TASOR: variants seen among roughly 807,000 people sequenced by gnomAD.
TASOR encodes the protein protein TASOR.
Under a neutral mutation model 178.6 loss-of-function variants are expected in TASOR, and 53 were observed. The observed-to-expected ratio is 0.30, with a 90% CI of 0.24 to 0.37. TASOR has a LOEUF of 0.37. Among genes scored for constraint, TASOR ranks in the 10% least tolerant of loss-of-function variants. TASOR has a pLI of 1.00. For missense variants in TASOR, 1,815 were observed against 1,971.4 expected, an observed-to-expected ratio of 0.92 and a Z score of 1.50; for synonymous variants, 713 against 696.2, an observed-to-expected ratio of 1.02 and a Z score of -0.38.
intron 1 of TASOR, among the ~76,000 whole-genome samples, chr3:56,678,577 C>T (rs183703458): frequency 6.6e-6 from 1 of 152,240 alleles, no homozygotes; most frequent in East Asian, 1.9e-4. Flanking sequence ...AAAAGAACAT[C>T]TTCATCAATT....
At position 56,669,807 on chromosome 3, in the gene TASOR, A is replaced by G; in HGVS notation, c.644-16T>C. On this transcript the variant is annotated splice_polypyrimidine_tract_variant and intron_variant, in intron 4 of 23. Transcript: ENST00000683822. ...AGATAGACACCTAGAAAAGACGGAA[A>G]AATTAAGGAAACTGATTATATTTTT... The G allele has an allele frequency of 4.7e-6, 7 of 1,489,546 alleles. No homozygotes were observed. Among genetic ancestry groups the G allele is most frequent in the Non-Finnish European group, 4.5e-6 (5 of 1,106,610 alleles). The allele number at this position is 1,489,546 out of a possible 1,614,324, so 92.3% of individuals were successfully genotyped here.
At chr3:56,674,041 G>A (rs890135015) in intron 1 of TASOR, among the ~76,000 whole-genome samples, 11 of 151,896 alleles carry the variant, frequency 7.2e-5, no homozygotes, top group Non-Finnish European at 1.0e-4. Context: ...AAGAACCTGT[G>A]TTTATACTCA....
At chr3:56,668,207 G>C (rs913804865) in intron 6 of TASOR, among the ~76,000 whole-genome samples, 190 bp downstream of exon 6, 4 of 152,186 alleles carry the variant, frequency 2.6e-5, no homozygotes, top group African/African-American at 9.7e-5. Context: ...AAGACCCACT[G>C]CATGTTTCTG....
rs2076473667 is a variant in TASOR at position 56,621,062 on chromosome 3, G to C, written c.*1975C>G. ...GCCTGTAGTCCCAGCCATTCGGGAG[G>C]TTGAGGCAGGAGAATGGTGTGAACC... On this transcript the variant is annotated 3_prime_UTR_variant, in exon 24 of 24. Coordinates refer to ENST00000683822, the MANE Select transcript of TASOR (RefSeq NM_001365635.2). 6.6e-6 allele frequency: 1 copy of C among 152,144 alleles called. No homozygotes were observed. The highest frequency in any genetic ancestry group is 2.1e-4 in the South Asian group (1 of 4,824). The allele number at this position is 152,144 out of a possible 1,614,324, so 9.4% of individuals were successfully genotyped here. A position where few individuals can be genotyped will look rare whatever the true frequency, so the allele number is the denominator to read the frequency against.
chr3:56,646,421 C>CTGA, intron 14 of TASOR, 101 bp downstream of exon 14: 1 of 928,694 alleles, frequency 1.1e-6, no homozygotes, highest in Non-Finnish European at 1.6e-6. Flanking sequence ...AGTGGACAGG[C>CTGA]TGAATTTGAC....
At position 56,677,811 on chromosome 3, in the gene TASOR, C is replaced by T. The variant is rs1157046775; in HGVS notation, c.332-4086G>A. Among the ~76,000 whole-genome samples the T allele has an allele frequency of 6.6e-5, 10 of 152,072 alleles. No homozygotes were observed. In the South Asian group the frequency reaches 8.3e-4, roughly 13 times the overall value. On this transcript the variant is annotated intron_variant, in intron 1 of 23. Coordinates refer to ENST00000683822, the MANE Select transcript of TASOR (RefSeq NM_001365635.2). ...TTAATTTTTTCTGATTTTAATTTTC[C>T]TCTAGAGACAACAGGGCCAAGAGTC...
At position 56,627,095 on chromosome 3, in the gene TASOR, C is replaced by G. The variant is rs200718981; in HGVS notation, c.4081G>C (p.Gly1361Arg). Residue 1361 changes from glycine (G) to arginine (R), a missense_variant, in exon 21 of 24, where the codon GGA becomes CGA. This residue lies in a region of TASOR where 134 missense variants were observed against 195.2 expected (regional missense o/e 0.69). Transcript: ENST00000683822. ...TFLEELSTPE[G>R]KWQWKVHCKF... ...CAGTGGACTTTCCATTGCCATTTTC[C>G]TTCTGGAGTACTAAGTTCCTCAAGG... The G allele has an allele frequency of 2.7e-5, 44 of 1,612,466 alleles. No homozygotes were observed. The highest frequency in any genetic ancestry group is 3.6e-5 in the Non-Finnish European group (42 of 1,179,204).
chr3:56,666,410 AC>A (rs1445249657), intron 6 of TASOR, 26 bp from the exon 7 acceptor site: 7 of 1,447,754 alleles, frequency 4.8e-6, no homozygotes. Flanking sequence ...TGAAAAATTA[AC>A]TTCTTTAAAA....
At chr3:56,643,853 A>T (rs2077181690) in intron 14 of TASOR, among the ~76,000 whole-genome samples, 1 of 152,212 alleles carries the variant, frequency 6.6e-6, no homozygotes, top group African/African-American at 2.4e-5. Flanking sequence ...AATAAGTAAG[A>T]AACACCTAAA....
rs1483027920 is a variant in TASOR, at chr3:56,621,440, T to A, written c.*1597A>T. 1 of 878,618 alleles carries A rather than the reference T, an allele frequency of 1.1e-6. No homozygotes were observed. The highest frequency in any genetic ancestry group is 1.7e-6 in the Non-Finnish European group (1 of 588,642). The allele number at this position is 878,618 out of a possible 1,614,324, so 54.4% of individuals were successfully genotyped here. On this transcript the variant is annotated 3_prime_UTR_variant, in exon 24 of 24. Transcript: ENST00000683822. ...TGACAAAATTTTATCCTAAGCGATA[T>A]GTTTTCCAAGTGAATATAATTCTAG...
chr3:56,655,273 A>T (rs1376309262), intron 11 of TASOR, among the ~76,000 whole-genome samples: 1 of 152,200 alleles, frequency 6.6e-6, no homozygotes, highest in Non-Finnish European at 1.5e-5. Flanking sequence ...TACAGATCCT[A>T]GACTGCACAT....
chr3:56,675,539 A>G (rs1443616583), intron 1 of TASOR, among the ~76,000 whole-genome samples: 1 of 150,356 alleles, frequency 6.7e-6, no homozygotes, highest in Non-Finnish European at 1.5e-5. Flanking sequence ...TTACTGGTCT[A>G]GTAACCTCAA....
intron 11 of TASOR, among the ~76,000 whole-genome samples, chr3:56,649,617 TACC>T (rs2077307945): frequency 6.6e-6 from 1 of 152,056 alleles, no homozygotes; most frequent in Non-Finnish European, 1.5e-5. Flanking sequence ...GTAGAAAGAG[TACC>T]ACAATAAATA....
In TASOR at chr3:56,682,924, T is replaced by A; in HGVS notation, c.83A>T (p.Lys28Met). The A allele has an allele frequency of 3.2e-6, 5 of 1,539,386 alleles. No homozygotes were observed. In the East Asian group the frequency reaches 1.2e-4, roughly 38 times the overall value. The change falls in exon 1 of 24, where the codon AAG (lysine) becomes ATG (methionine). Residue 28 changes from lysine to methionine, a missense_variant. Coordinates refer to ENST00000683822, the MANE Select transcript of TASOR (RefSeq NM_001365635.2). ...ESGGGGDDEM[K>M]QALPELESSQ... ...GGACTCAAGCTCCGGAAGCGCCTGC[T>A]TCATCTCGTCGTCTCCGCCGCCGCC...
At chr3:56,673,170 A>G (rs1252105000) in intron 2 of TASOR, among the ~76,000 whole-genome samples, 1 of 152,238 alleles carries the variant, frequency 6.6e-6, no homozygotes, top group Non-Finnish European at 1.5e-5. Flanking sequence ...TTTCAGTTAA[A>G]AAGTTATTTT....
intron 17 of TASOR, among the ~76,000 whole-genome samples, chr3:56,637,789 TA>T (rs939879141): frequency 1.3e-5 from 2 of 151,938 alleles, no homozygotes; most frequent in South Asian, 2.1e-4. Context: ...AAGGAAAATA[TA>T]AAAAAGATCA....
rs567493825 is a variant in TASOR at position 56,627,763 on chromosome 3, AAG to A, written c.3871-24_3871-23del. On this transcript the variant is annotated intron_variant, in intron 19 of 23. Coordinates refer to ENST00000683822, the MANE Select transcript of TASOR (RefSeq NM_001365635.2). ...GTATCTGTTTAAATCCCAAAACAAA[AAG>A]AGAAACAGATGGAGGGAATGAATTG... The A allele has an allele frequency of 2.6e-5, 41 of 1,607,124 alleles. No homozygotes were observed. The African/African-American group carries it at 5.2e-4, about 21-fold the overall frequency.
Position 56,660,952 on chromosome 3 carries a change from G to A in TASOR, c.1226C>T (p.Ala409Val), listed in dbSNP as rs776628315. The change falls in exon 10 of 24, where the codon GCA becomes GTA. Residue 409 changes from alanine (A) to valine (V), a missense_variant. This residue lies in a region of TASOR where 504 missense variants were observed against 645.3 expected (regional missense o/e 0.78). Transcript: ENST00000683822. Reference protein sequence around the residue: ...IDHLKQKIPPALFYKETYLGP... With the variant: ...IDHLKQKIPPVLFYKETYLGP... ...TAAGTATGTTTCCTTATAAAACAGT[G>A]CTGGAGGGATTTTCTGTTTCAGATG... The A allele has an allele frequency of 4.3e-6, 7 of 1,611,458 alleles. No individual in the cohort carries two copies.
At chr3:56,650,718 A>G (rs1295196287) in intron 11 of TASOR, among the ~76,000 whole-genome samples, 1 of 152,178 alleles carries the variant, frequency 6.6e-6, no homozygotes, top group East Asian at 1.9e-4. Flanking sequence ...CCAAGGTTAA[A>G]AATCCTCAGG....
Sources: gnomAD v4.1 joint callset for allele counts (sites outside exome capture counted in the v4.1 genomes callset) on GRCh38, gnomAD v4.1.1 for gene constraint, gnomAD v4.1.1 regional missense constraint, MANE v1.5 for transcripts, NCBI Gene and HGNC (gene_info 2026-07-23, HGNC 2026-07-21) for gene names.